CFAP206: variants seen among roughly 807,000 people sequenced by gnomAD.
The protein encoded by CFAP206 is cilia- and flagella-associated protein 206.
A neutral mutation model predicts 65.4 loss-of-function variants in CFAP206; 53 were observed. The observed-to-expected ratio is 0.81, with a 90% CI of 0.65 to 1.02. CFAP206 has a LOEUF of 1.02. CFAP206 is among the 50% of genes least tolerant of loss of function. CFAP206 has a pLI of 0.00. For missense variants in CFAP206, 663 were observed against 753.2 expected, an observed-to-expected ratio of 0.88 and a Z score of 1.40; for synonymous variants, 250 against 254.4, an observed-to-expected ratio of 0.98 and a Z score of 0.17.
chr6:87,451,879 A>G (rs1192868714), intron 11 of CFAP206, among the ~76,000 whole-genome samples: 1 of 151,634 alleles, frequency 6.6e-6, no homozygotes, highest in Non-Finnish European at 1.5e-5. Flanking sequence ...CTCAAAAGAA[A>G]AAAAAAAAAA....
chr6:87,413,861 A>G lies in CFAP206; in HGVS notation c.244A>G (p.Lys82Glu). 2 of 1,559,112 alleles carry G rather than the reference A, an allele frequency of 1.3e-6. No homozygotes were observed. Among genetic ancestry groups the G allele is most frequent in the South Asian group, 2.5e-5 (2 of 79,174 alleles). ...TAAAAATCCATCCCTGGACACTATT[A>G]AGATGCAAGTCTACTTCGATATGAA... Reference protein sequence around the residue: ...DTKNPSLDTIKMQVYFDMNYT... With the variant: ...DTKNPSLDTIEMQVYFDMNYT... Residue 82 changes from lysine to glutamate, a missense_variant, in exon 4 of 13, where the codon AAG becomes GAG. Coordinates refer to ENST00000369562, the MANE Select transcript of CFAP206 (RefSeq NM_001031743.3).
rs1166767663 is a variant in CFAP206 at position 87,410,649 on chromosome 6, A to G, written c.173A>G (p.Asp58Gly). ...ATGGATAGAACCCTCATGAAAAGTG[A>G]TGTGCAGAATCTTGTTAAGGTGATT... ...FNMDRTLMKS[D>G]VQNLVKLCMT... Residue 58 changes from aspartate to glycine, a missense_variant, in exon 3 of 13, where the codon GAT becomes GGT. Transcript: ENST00000369562. 2 of 1,613,828 alleles carry G rather than the reference A, an allele frequency of 1.2e-6. No individual in the cohort carries two copies. The highest frequency in any genetic ancestry group is 4.5e-5 in the East Asian group (2 of 44,874).
intron 11 of CFAP206, among the ~76,000 whole-genome samples, chr6:87,457,183 G>C (rs1768660850): frequency 6.7e-6 from 1 of 150,092 alleles, no homozygotes; most frequent in Non-Finnish European, 1.5e-5. Context: ...AAATTGAAGA[G>C]GACACAAAGC....
intron 12 of CFAP206, among the ~76,000 whole-genome samples, chr6:87,461,376 ATATC>A (rs1251113132): frequency 2.0e-5 from 3 of 152,322 alleles, no homozygotes; most frequent in East Asian, 1.9e-4. Flanking sequence ...TAATATCTAT[ATATC>A]TATCTGTCTA....
At chr6:87,461,283 T>G in intron 12 of CFAP206, 118 bp downstream of exon 12, 2 of 610,856 alleles carry the variant, frequency 3.3e-6, no homozygotes, top group South Asian at 5.1e-5. Flanking sequence ...ACAGAGTTCT[T>G]TGCTAACAAA....
At chr6:87,440,524 G>A (rs1205311535) in intron 11 of CFAP206, among the ~76,000 whole-genome samples, 3 of 152,098 alleles carry the variant, frequency 2.0e-5, no homozygotes, top group Non-Finnish European at 4.4e-5. Context: ...GCATCATGGT[G>A]AAGAAATAAA....
intron 12 of CFAP206, among the ~76,000 whole-genome samples, chr6:87,463,170 A>G (rs562326406): frequency 1.3e-5 from 2 of 152,310 alleles, no homozygotes; most frequent in Admixed American, 6.5e-5. Context: ...GATGCTTACT[A>G]CTGAAGAGTT....
intron 11 of CFAP206, among the ~76,000 whole-genome samples, chr6:87,458,703 T>C (rs1768692731): frequency 6.6e-6 from 1 of 151,926 alleles, no homozygotes; most frequent in Non-Finnish European, 1.5e-5. Context: ...GGTTAATGGG[T>C]ACAAAAATAT....
intron 11 of CFAP206, among the ~76,000 whole-genome samples, chr6:87,457,420 TAC>T (rs541487586): frequency 1.2e-3 from 188 of 152,248 alleles, no homozygotes; most frequent in African/African-American, 4.5e-3. Context: ...CAAATTATAC[TAC>T]AGAGCTATAG....
rs770605401 is a variant in CFAP206 at position 87,461,007 on chromosome 6, A to T, written c.1495-15A>T. The T allele has an allele frequency of 4.5e-6, 7 of 1,563,430 alleles. No individual in the cohort carries two copies. In the African/African-American group the frequency reaches 8.4e-5, roughly 19 times the overall value. On this transcript the variant is annotated splice_polypyrimidine_tract_variant and intron_variant, in intron 11 of 12. Transcript: ENST00000369562. ...ATTTTTTACAAGCACTAACTACAAA[A>T]CTCCACTTCTTTAGATGAGAGATGC...
chr6:87,438,350 A>T (rs1224548101), intron 11 of CFAP206, among the ~76,000 whole-genome samples: 2 of 150,840 alleles, frequency 1.3e-5, no homozygotes, highest in Non-Finnish European at 2.9e-5. Flanking sequence ...ATTCCCAGCT[A>T]CTCGGGAGGC....
At chr6:87,461,739 C>T (rs1434852000) in intron 12 of CFAP206, among the ~76,000 whole-genome samples, 1 of 152,044 alleles carries the variant, frequency 6.6e-6, no homozygotes, top group Non-Finnish European at 1.5e-5. Context: ...TCTGTAGCCC[C>T]TTTTTAGTAT....
At chr6:87,454,039 TG>T (rs1768589235) in intron 11 of CFAP206, among the ~76,000 whole-genome samples, 1 of 151,964 alleles carries the variant, frequency 6.6e-6, no homozygotes, top group South Asian at 2.1e-4. Context: ...AATGAAGGGA[TG>T]AAAAAAGTTA....
chr6:87,428,886 C>A, intron 9 of CFAP206, 62 bp downstream of exon 9: 2 of 1,430,834 alleles, frequency 1.4e-6, no homozygotes, highest in East Asian at 2.3e-5. Context: ...TAAAGTCACT[C>A]TTTTGTTCTA....
chr6:87,438,258 C>G (rs9450683), intron 11 of CFAP206, among the ~76,000 whole-genome samples: 2 of 151,636 alleles, frequency 1.3e-5, no homozygotes, highest in South Asian at 2.1e-4. Flanking sequence ...GTCAGGAGTT[C>G]GAGACCATCC....
chr6:87,441,757 C>T (rs1768362780), intron 11 of CFAP206: 1 of 216,238 alleles, frequency 4.6e-6, no homozygotes, highest in African/African-American at 2.3e-5. Flanking sequence ...GAAACTGTTT[C>T]TTCCTAGAAA....
intron 6 of CFAP206, among the ~76,000 whole-genome samples, chr6:87,417,362 T>C (rs1025556503): frequency 6.6e-6 from 1 of 152,168 alleles, no homozygotes; most frequent in African/African-American, 2.4e-5. Context: ...TTATGAAATT[T>C]GGTACTCCTG....
chr6:87,423,400 C>T (rs1179985516), intron 7 of CFAP206, among the ~76,000 whole-genome samples: 1 of 152,008 alleles, frequency 6.6e-6, no homozygotes, highest in Non-Finnish European at 1.5e-5. Flanking sequence ...AGGCGCCCGC[C>T]ACCACGTCCG....
intron 11 of CFAP206, among the ~76,000 whole-genome samples, chr6:87,455,822 C>T (rs1157152947): frequency 6.6e-6 from 1 of 152,092 alleles, no homozygotes; most frequent in Non-Finnish European, 1.5e-5. Flanking sequence ...AAATACAAAA[C>T]CTGAATAGAT....
Sources: allele counts gnomAD v4.1 joint callset (sites outside exome capture counted in the v4.1 genomes callset), GRCh38; gene constraint gnomAD v4.1.1; transcripts MANE v1.5; gene names NCBI Gene and HGNC (gene_info 2026-07-23, HGNC 2026-07-21).